The following LHFPL7 variants were observed in gnomAD, a reference collection of about 807,000 sequenced individuals.
LHFPL7 encodes the protein LHFPL tetraspan subfamily member 7.
chr22:24,935,334 T>C, the LHFPL7 span: 4 of 1,611,626 alleles, frequency 2.5e-6, no homozygotes, highest in Non-Finnish European at 3.4e-6. Flanking sequence ...AGGAGATTTT[T>C]ATTTGTTCAT....
chr22:24,944,708 A>T, the LHFPL7 span, among the ~76,000 whole-genome samples: 2 of 152,112 alleles, frequency 1.3e-5, no homozygotes, highest in Non-Finnish European at 1.5e-5. Flanking sequence ...GCATGCACCA[A>T]CATGCCTGGC....
At chr22:24,939,280 T>C in the LHFPL7 span, 1,248 of 701,084 alleles carry the variant, frequency 1.8e-3, 3 homozygotes, top group Non-Finnish European at 2.6e-3. Context: ...TTTCCTGCCT[T>C]AATGAGTTTA....
At chr22:24,939,619 G>A in the LHFPL7 span, 5 of 691,716 alleles carry the variant, frequency 7.2e-6, no homozygotes, top group African/African-American at 7.0e-5. Flanking sequence ...GGCTGGCCGA[G>A]GTGCTCCCTA....
chr22:24,942,482 T>A, the LHFPL7 span, among the ~76,000 whole-genome samples: 1 of 152,310 alleles, frequency 6.6e-6, no homozygotes, highest in East Asian at 1.9e-4. Flanking sequence ...CAAAAGCAGC[T>A]GAGCTGCCAA....
At chr22:24,938,397 C>T in the LHFPL7 span, 5 of 1,578,502 alleles carry the variant, frequency 3.2e-6, no homozygotes, top group Non-Finnish European at 3.4e-6. Flanking sequence ...AGGGTGTTGG[C>T]TGGGACAGGG....
At chr22:24,942,872 G>A in the LHFPL7 span, among the ~76,000 whole-genome samples, 2 of 150,782 alleles carry the variant, frequency 1.3e-5, no homozygotes, top group Non-Finnish European at 2.9e-5. Context: ...GAGGGTTGTT[G>A]TGAAGCTTCA....
the LHFPL7 span, chr22:24,939,597 A>G: frequency 1.4e-6 from 1 of 697,380 alleles, no homozygotes. Flanking sequence ...TGCAGGGACA[A>G]GGAGAGAAAG....
At chr22:24,945,615 G>A in the LHFPL7 span, among the ~76,000 whole-genome samples, 5 of 152,340 alleles carry the variant, frequency 3.3e-5, no homozygotes, top group East Asian at 1.9e-4. Flanking sequence ...GTGAGGTTGC[G>A]TAAGCAAAGC....
chr22:24,942,641 G>C, the LHFPL7 span, among the ~76,000 whole-genome samples: 1 of 152,194 alleles, frequency 6.6e-6, no homozygotes, highest in Admixed American at 6.5e-5. Flanking sequence ...TCCCTGGTGC[G>C]GGACCTGGGG....
the LHFPL7 span, among the ~76,000 whole-genome samples, chr22:24,937,967 C>G: frequency 2.0e-5 from 3 of 152,204 alleles, no homozygotes; most frequent in African/African-American, 7.2e-5. Flanking sequence ...GATGCCATCT[C>G]TCCCTCCCCC....
chr22:24,939,611 C>A, the LHFPL7 span: 9 of 693,702 alleles, frequency 1.3e-5, no homozygotes, highest in South Asian at 1.3e-4. Flanking sequence ...GAGAAAGGGG[C>A]TGGCCGAGGT....
the LHFPL7 span, among the ~76,000 whole-genome samples, chr22:24,937,626 G>C: frequency 6.6e-6 from 1 of 152,228 alleles, no homozygotes; most frequent in Non-Finnish European, 1.5e-5. Flanking sequence ...GCTTATTGCT[G>C]TAATCCAGGC....
At chr22:24,943,022 C>G in the LHFPL7 span, among the ~76,000 whole-genome samples, 1 of 151,620 alleles carries the variant, frequency 6.6e-6, no homozygotes, top group Non-Finnish European at 1.5e-5. Context: ...TGAGAAAAAC[C>G]TCGTGGCTGC....
the LHFPL7 span, chr22:24,935,526 CA>C: frequency 6.2e-7 from 1 of 1,613,988 alleles, no homozygotes; most frequent in Non-Finnish European, 8.5e-7. Context: ...GGAGGCTTCG[CA>C]CACTTCCTTG....
chr22:24,937,047 C>G, the LHFPL7 span, among the ~76,000 whole-genome samples: 12 of 152,180 alleles, frequency 7.9e-5, no homozygotes, highest in Non-Finnish European at 1.3e-4. Context: ...TGGTGATAAC[C>G]AGGCAGACAG....
chr22:24,939,620 G>A, the LHFPL7 span: 1 of 691,140 alleles, frequency 1.4e-6, no homozygotes, highest in Non-Finnish European at 2.6e-6. Flanking sequence ...GCTGGCCGAG[G>A]TGCTCCCTAG....
the LHFPL7 span, among the ~76,000 whole-genome samples, chr22:24,939,854 T>C: frequency 2.0e-5 from 3 of 151,970 alleles, no homozygotes; most frequent in Non-Finnish European, 4.4e-5. Context: ...CACTGGTCCA[T>C]GCAGGGCTCT....
the LHFPL7 span, among the ~76,000 whole-genome samples, chr22:24,939,024 T>C: frequency 6.6e-6 from 1 of 152,234 alleles, no homozygotes; most frequent in African/African-American, 2.4e-5. Context: ...GGCCGGCAGC[T>C]GCCTTTGGAA....
the LHFPL7 span, among the ~76,000 whole-genome samples, chr22:24,940,980 C>G: frequency 4.6e-5 from 7 of 151,578 alleles, no homozygotes; most frequent in African/African-American, 9.7e-5. Context: ...AACCTTTTTT[C>G]TTTTCTGTGG....
Sources: gnomAD v4.1 joint callset for allele counts (sites outside exome capture counted in the v4.1 genomes callset) on GRCh38, gnomAD v4.1.1 for gene constraint, MANE v1.5 for transcripts, NCBI Gene and HGNC (gene_info 2026-07-23, HGNC 2026-07-21) for gene names.